The following SEC14L1 variants were observed in gnomAD, a reference collection of about 807,000 sequenced individuals.
SEC14L1 encodes SEC14-like protein 1.
In SEC14L1, 48 loss-of-function variants were observed where a neutral mutation model predicts 85.3. That is an observed-to-expected ratio of 0.56 (90% CI 0.45 to 0.72). SEC14L1 has a LOEUF of 0.72. Among genes scored for constraint, SEC14L1 ranks in the 30% least tolerant of loss-of-function variants. The probability of loss-of-function intolerance (pLI) is 0.00; values close to 1 mark genes in which losing one functional copy is unlikely to be tolerated. For synonymous variants in SEC14L1, 391 were observed against 355.5 expected, an observed-to-expected ratio of 1.10 and a Z score of -1.12; for missense variants, 682 against 921.4, an observed-to-expected ratio of 0.74 and a Z score of 3.36.
intron 3 of SEC14L1, among the ~76,000 whole-genome samples, chr17:77,186,741 G>A (rs920344708): frequency 2.0e-5 from 3 of 152,194 alleles, no homozygotes; most frequent in African/African-American, 4.8e-5. Flanking sequence ...TGTGATCTGT[G>A]TATTACTTCT....
Position 77,213,376 on chromosome 17 carries a change from T to C in SEC14L1, c.1926T>C (p.Pro642=). The part of the protein sequence containing the change: ...YILQWKFHSM[P]ACAASSLPRV... ...TGCAGTGGAAATTCCACAGCATGCC[T>C]GCGTGCGCCGCCAGCAGCCTTCCCC... is the stretch of plus-strand genomic sequence containing the variant. The change falls in exon 16 of 17, where the codon CCT becomes CCC. Residue 642 remains proline (P), a synonymous_variant. Coordinates refer to ENST00000436233, the MANE Select transcript of SEC14L1 (RefSeq NM_001143998.2). This position sits in a 1 kb window ranked among gnomAD's most constrained non-coding sequence, Gnocchi z 7.1. The C allele has an allele frequency of 6.2e-7, 1 of 1,613,502 alleles. No homozygotes were observed. Among genetic ancestry groups the C allele is most frequent in the Non-Finnish European group, 8.5e-7 (1 of 1,179,958 alleles).
At chr17:77,142,181 A>G (rs1005266637) in intron 1 of SEC14L1, among the ~76,000 whole-genome samples, 5 of 152,136 alleles carry the variant, frequency 3.3e-5, no homozygotes, top group Admixed American at 1.3e-4. Flanking sequence ...CCGTTTTCAC[A>G]CTGTCAGATG....
chr17:77,105,369 G>GCCC (rs1971885206), intron 3 of SEC14L1, among the ~76,000 whole-genome samples: 1 of 40,508 alleles, frequency 2.5e-5, no homozygotes, highest in African/African-American at 8.2e-5. Context: ...GCTCCTCGCT[G>GCCC]ACCACCCCCC....
chr17:77,182,788 G>A (rs1975094798), intron 3 of SEC14L1, among the ~76,000 whole-genome samples: 1 of 152,224 alleles, frequency 6.6e-6, no homozygotes, highest in Non-Finnish European at 1.5e-5. Context: ...TTCTTTTAGT[G>A]CAGAGATAAA....
At chr17:77,132,724 T>C (rs1034045245) in intron 3 of SEC14L1, among the ~76,000 whole-genome samples, 2 of 152,172 alleles carry the variant, frequency 1.3e-5, no homozygotes, top group African/African-American at 4.8e-5. Context: ...GAGCATTATC[T>C]CTTGTTTCTT....
At chr17:77,204,807 G>A (rs986396278) in intron 10 of SEC14L1, among the ~76,000 whole-genome samples, 2 of 152,144 alleles carry the variant, frequency 1.3e-5, no homozygotes, top group African/African-American at 4.8e-5. Context: ...CACACATAAA[G>A]ATAGGGATGG....
intron 7 of SEC14L1, 135 bp downstream of exon 7, chr17:77,195,046 T>G (rs749863401): frequency 2.2e-5 from 14 of 646,674 alleles, no homozygotes; most frequent in African/African-American, 3.7e-5. Flanking sequence ...CGTCTCTCGT[T>G]TCTGGCCCTT....
Position 77,206,696 on chromosome 17 carries a change from AAT to A in SEC14L1, c.1342-29_1342-28del. ...ATCTTGGACACTCAGGCAGCAGAGA[AAT>A]ATGACTGCATGGTCTTCTCCTCCTC... On this transcript the variant is annotated intron_variant, in intron 12 of 16. Coordinates refer to ENST00000436233, the MANE Select transcript of SEC14L1 (RefSeq NM_001143998.2). The surrounding 1 kb of genome is among the most constrained non-coding windows in gnomAD (Gnocchi z 4.3). The A allele has an allele frequency of 6.4e-7, 1 of 1,570,248 alleles. No individual in the cohort carries two copies. The highest frequency in any genetic ancestry group is 8.6e-7 in the Non-Finnish European group (1 of 1,161,108).
intron 3 of SEC14L1, chr17:77,185,269 GGC>G: frequency 2.0e-6 from 2 of 985,490 alleles, no homozygotes; most frequent in Non-Finnish European, 2.4e-6. Context: ...GAGTAAGGGA[GGC>G]GCTTGCTAAC....
At chr17:77,113,412 G>T (rs1053795307) in intron 3 of SEC14L1, among the ~76,000 whole-genome samples, 19 of 151,988 alleles carry the variant, frequency 1.3e-4, no homozygotes, top group African/African-American at 4.6e-4. Context: ...TGGGACACAG[G>T]CTGAATGCAC....
At chr17:77,117,455 G>A (rs747167422) in intron 3 of SEC14L1, among the ~76,000 whole-genome samples, 4 of 152,224 alleles carry the variant, frequency 2.6e-5, no homozygotes, top group Non-Finnish European at 5.9e-5. Context: ...CCAAGAGATT[G>A]GTATTTTAAA....
chr17:77,181,897 C>T (rs537167542), intron 3 of SEC14L1, among the ~76,000 whole-genome samples: 9 of 151,408 alleles, frequency 5.9e-5, no homozygotes, highest in Admixed American at 2.0e-4. Flanking sequence ...CAGTTTGCCA[C>T]GTTTTCTTTC....
chr17:77,181,612 T>C (rs1189005595), intron 3 of SEC14L1, among the ~76,000 whole-genome samples: 1 of 152,156 alleles, frequency 6.6e-6, no homozygotes, highest in East Asian at 1.9e-4. Context: ...GGTCTCACCA[T>C]GTTGGCCAGG....
chr17:77,140,312 T>C (rs1972940489), upstream of SEC14L1, among the ~76,000 whole-genome samples: 1 of 152,200 alleles, frequency 6.6e-6, no homozygotes, highest in Non-Finnish European at 1.5e-5. Flanking sequence ...TAGAGCCGTC[T>C]GGATGTGTTG....
chr17:77,096,930 G>A (rs1432078196), intron 3 of SEC14L1, among the ~76,000 whole-genome samples: 1 of 152,168 alleles, frequency 6.6e-6, no homozygotes, highest in East Asian at 1.9e-4. Flanking sequence ...AATCTGTCCG[G>A]TTGTCCCAGT....
upstream of SEC14L1, among the ~76,000 whole-genome samples, chr17:77,136,909 T>G (rs1025823536): frequency 3.3e-5 from 5 of 150,898 alleles, no homozygotes; most frequent in Non-Finnish European, 6.0e-5. Flanking sequence ...TTCTTTTTCT[T>G]TCTTTTTTTT....
chr17:77,199,500 G>A (rs1349336553), intron 8 of SEC14L1: 4 of 155,794 alleles, frequency 2.6e-5, no homozygotes, highest in Non-Finnish European at 4.3e-5. Flanking sequence ...GCACTGGGCG[G>A]CACCCTTTGG....
At position 77,214,886 on chromosome 17, in the gene SEC14L1, G is replaced by A; in HGVS notation, c.*863G>A. The A allele has an allele frequency of 1.0e-6, 1 of 985,458 alleles. No individual in the cohort carries two copies. Among genetic ancestry groups the A allele is most frequent in the African/African-American group, 1.7e-5 (1 of 57,348 alleles). The allele number at this position is 985,458 out of a possible 1,614,324, so 61.0% of individuals were successfully genotyped here. ...CCTCTGGTGGCTCATTGTCCTCAGA[G>A]CCCAGACAGTTCCAGCCACTAGGAG... On this transcript the variant is annotated 3_prime_UTR_variant, in exon 17 of 17. Transcript: ENST00000436233.
At chr17:77,167,403 A>G (rs1002174923) in intron 3 of SEC14L1, among the ~76,000 whole-genome samples, 1 of 152,160 alleles carries the variant, frequency 6.6e-6, no homozygotes, top group African/African-American at 2.4e-5. Flanking sequence ...TCGAAATGCT[A>G]GAATTACAGA....
Sources: allele counts gnomAD v4.1 joint callset (sites outside exome capture counted in the v4.1 genomes callset), GRCh38; gene constraint gnomAD v4.1.1; non-coding constraint Gnocchi (gnomAD v3.1); transcripts MANE v1.5; gene names NCBI Gene and HGNC (gene_info 2026-07-23, HGNC 2026-07-21).